RASSF3: variants seen among roughly 807,000 people sequenced by gnomAD.
The protein encoded by RASSF3 is ras association domain-containing protein 3.
RASSF3 carries 19 observed loss-of-function variants against 19.9 expected under a neutral mutation model. The ratio of observed to expected loss-of-function variants is 0.96; its 90% confidence interval spans 0.67 to 1.40. The LOEUF (loss-of-function observed/expected upper bound fraction) is 1.40, where lower values mean the gene tolerates loss of function less well. RASSF3 is among the 40% of genes most tolerant of loss of function. RASSF3 has a pLI of 0.00. For missense variants in RASSF3, 306 were observed against 289.8 expected, an observed-to-expected ratio of 1.06 and a Z score of -0.41; for synonymous variants, 110 against 104.2, an observed-to-expected ratio of 1.06 and a Z score of -0.34.
Position 64,641,400 on chromosome 12 carries a change from G to GCACACACACACACACACACACACACACA in RASSF3, c.111+30658_111+30659insACACACACACACACACACACACACACAC, listed in dbSNP as rs530475322. Among the ~76,000 whole-genome samples, 561 of 106,898 alleles carry GCACACACACACACACACACACACACACA rather than the reference G, an allele frequency of 5.2e-3. 7 individuals are homozygous for GCACACACACACACACACACACACACACA. The highest frequency in any genetic ancestry group is 0.015 in the African/African-American group (504 of 33,534). 70.1% of individuals were successfully genotyped at this position (106,898 alleles called of 152,430 possible). ...GACAGAGTGAGACCCTGTCTCACAG[G>GCACACACACACACACACACACACACACA]CGCACACACACACACGCGCGCGCGC... On this transcript the variant is annotated intron_variant, in intron 1 of 4. Transcript: ENST00000542104.
At chr12:64,545,360 C>A (rs1869035615), downstream of RASSF3, among the ~76,000 whole-genome samples, 1 of 152,168 alleles carries the variant, frequency 6.6e-6, no homozygotes, top group Non-Finnish European at 1.5e-5. Flanking sequence ...ACTTGAGTAA[C>A]TCGCATTGTT....
intron 1 of RASSF3, among the ~76,000 whole-genome samples, chr12:64,514,322 G>C (rs1207206708): frequency 6.6e-6 from 1 of 151,296 alleles, no homozygotes; most frequent in Non-Finnish European, 1.5e-5. Context: ...GAGTAGCTGG[G>C]ACTACAGGCA....
At chr12:64,586,100 G>A (rs1273873148) in intron 2 of RASSF3, among the ~76,000 whole-genome samples, 3 of 151,872 alleles carry the variant, frequency 2.0e-5, no homozygotes, top group Non-Finnish European at 4.4e-5. Context: ...GGAGGTGGGT[G>A]GATCACCTGA....
intron 2 of RASSF3, among the ~76,000 whole-genome samples, chr12:64,588,125 G>T (rs1391850307): frequency 6.6e-6 from 1 of 152,100 alleles, no homozygotes; most frequent in Non-Finnish European, 1.5e-5. Flanking sequence ...CACCCAGGCT[G>T]GAGTGCAGTG....
Position 64,550,829 on chromosome 12 carries a change from AAAAAG to A in RASSF3, c.294+9128_294+9132del, listed in dbSNP as rs796670576. ...GAGAGAGACTCCATCTCAAAAAAAA[AAAAAG>A]AAAGAAAGAAAGGAAAAAAAAAAGA... is the stretch of plus-strand genomic sequence containing the variant. On this transcript the variant is annotated intron_variant, in intron 2 of 5. Coordinates refer to the RASSF3 transcript ENST00000637125. Among the ~76,000 whole-genome samples, 680 of 149,554 alleles carry A rather than the reference AAAAAG, an allele frequency of 4.5e-3. 30 individuals are homozygous for A. Among genetic ancestry groups the A allele is most frequent in the African/African-American group, 0.016 (648 of 40,634 alleles).
chr12:64,562,073 A>G lies in RASSF3; in HGVS notation c.294+20368A>G, dbSNP rs552237682. Among the ~76,000 whole-genome samples the G allele has an allele frequency of 2.6e-5, 4 of 151,578 alleles. No homozygotes were observed. In the East Asian group the frequency reaches 7.8e-4, roughly 29 times the overall value. On this transcript the variant is annotated intron_variant, in intron 2 of 5. Transcript: ENST00000637125. ...TGCTCTGTTGCCCAGGCTGGAATGC[A>G]GTGGTTGCCCAGGCTGGAATGCAGT... is the stretch of plus-strand genomic sequence containing the variant.
intron 1 of RASSF3, among the ~76,000 whole-genome samples, chr12:64,647,877 G>A (rs1348216194): frequency 6.6e-6 from 1 of 152,106 alleles, no homozygotes; most frequent in African/African-American, 2.4e-5. Flanking sequence ...GGCCCTTTGA[G>A]GCTTATAAAA....
chr12:64,542,870 G>GC (rs1406195271), downstream of RASSF3, among the ~76,000 whole-genome samples: 1 of 152,226 alleles, frequency 6.6e-6, no homozygotes, highest in Non-Finnish European at 1.5e-5. Flanking sequence ...CACTGTGGGA[G>GC]CCCCTTCCTG....
At chr12:64,683,036 A>C (rs1873196969) in intron 1 of RASSF3, among the ~76,000 whole-genome samples, 1 of 152,248 alleles carries the variant, frequency 6.6e-6, no homozygotes, top group African/African-American at 2.4e-5. Flanking sequence ...GTCCTTGGAC[A>C]AACTGCTTGA....
At chr12:64,624,805 C>G (rs1565853455) in intron 1 of RASSF3, among the ~76,000 whole-genome samples, 1 of 151,942 alleles carries the variant, frequency 6.6e-6, no homozygotes, top group Non-Finnish European at 1.5e-5. Context: ...ACTACAGGCG[C>G]CTACCACCAC....
At chr12:64,637,077 A>G (rs1224663616) in intron 1 of RASSF3, among the ~76,000 whole-genome samples, 1 of 152,146 alleles carries the variant, frequency 6.6e-6, no homozygotes, top group East Asian at 1.9e-4. Flanking sequence ...GCAAACAGTA[A>G]CAGCTGTGTA....
intron 2 of RASSF3, among the ~76,000 whole-genome samples, chr12:64,548,562 C>A (rs780148037): frequency 6.6e-6 from 1 of 152,148 alleles, no homozygotes; most frequent in Non-Finnish European, 1.5e-5. Context: ...GTATGAAAAT[C>A]TTTTCCTACA....
At chr12:64,602,737 A>C (rs915306875) in intron 2 of RASSF3, among the ~76,000 whole-genome samples, 1 of 152,148 alleles carries the variant, frequency 6.6e-6, no homozygotes, top group Non-Finnish European at 1.5e-5. Flanking sequence ...GAAAAAAAGA[A>C]AGAAAGAAAG....
At chr12:64,613,197 C>T (rs1795617) in intron 1 of RASSF3, among the ~76,000 whole-genome samples, 1 of 151,976 alleles carries the variant, frequency 6.6e-6, no homozygotes. Context: ...TTTTATCTAA[C>T]GTTAGATAAG....
intron 3 of RASSF3, among the ~76,000 whole-genome samples, chr12:64,691,114 G>A (rs937286181): frequency 1.3e-5 from 2 of 151,532 alleles, no homozygotes; most frequent in Non-Finnish European, 2.9e-5. Flanking sequence ...CGCCCACCTC[G>A]GCCTCCCAAA....
In RASSF3 at chr12:64,516,589, A is replaced by G. The variant is rs923932768; in HGVS notation, c.169+9260A>G. On this transcript the variant is annotated intron_variant, in intron 1 of 5. Coordinates refer to the RASSF3 transcript ENST00000637125. ...AGCCGAGATCCCGCCACTGCACTCC[A>G]GCCTGGGCGACAGAGCGAGACTCCG... is the stretch of plus-strand genomic sequence containing the variant. Among the ~76,000 whole-genome samples the G allele has an allele frequency of 9.5e-5, 14 of 147,516 alleles. No homozygotes were observed. The South Asian group carries it at 2.8e-3, about 30-fold the overall frequency.
At chr12:64,579,707 G>A (rs1869656834) in intron 2 of RASSF3, among the ~76,000 whole-genome samples, 1 of 151,182 alleles carries the variant, frequency 6.6e-6, no homozygotes, top group South Asian at 2.1e-4. Flanking sequence ...GCTTTGTGTT[G>A]TCTAATATTA....
chr12:64,661,455 C>T (rs970681470), intron 1 of RASSF3, among the ~76,000 whole-genome samples: 2 of 152,056 alleles, frequency 1.3e-5, no homozygotes, highest in Non-Finnish European at 1.5e-5. Context: ...TGCACTCCAG[C>T]TTGGGCGACA....
intron 2 of RASSF3, among the ~76,000 whole-genome samples, chr12:64,591,152 G>A (rs1202178060): frequency 6.6e-6 from 1 of 151,988 alleles, no homozygotes; most frequent in Non-Finnish European, 1.5e-5. Context: ...ATTAAAAGTG[G>A]GCAGCTGCTT....
Sources: gnomAD v4.1 joint callset for allele counts (sites outside exome capture counted in the v4.1 genomes callset) on GRCh38, gnomAD v4.1.1 for gene constraint, MANE v1.5 for transcripts, NCBI Gene and HGNC (gene_info 2026-07-23, HGNC 2026-07-21) for gene names.